Variants in KLRK1 observed in about 807,000 individuals in gnomAD.
KLRK1 encodes the protein NKG2-D type II integral membrane protein.
KLRK1 carries 40 observed loss-of-function variants against 31.3 expected under a neutral mutation model. The ratio of observed to expected loss-of-function variants is 1.28; its 90% CI spans 0.99 to 1.67. The LOEUF (loss-of-function observed/expected upper bound fraction) is 1.67. Among genes scored for constraint, KLRK1 ranks in the 40% most tolerant of loss-of-function variants. The probability of loss-of-function intolerance (pLI) is 0.00; values close to 1 mark genes in which losing one functional copy is unlikely to be tolerated. For missense variants in KLRK1, 251 were observed against 260.0 expected, an observed-to-expected ratio of 0.97 and a Z score of 0.24; for synonymous variants, 77 against 77.3, an observed-to-expected ratio of 1.00 and a Z score of 0.02.
chr12:10,378,649 G>C lies in KLRK1; in HGVS notation c.334C>G (p.Gln112Glu). 1.2e-6 allele frequency: 2 copies of C among 1,609,984 alleles called. No individual in the cohort carries two copies. The highest frequency in any genetic ancestry group is 1.7e-6 in the Non-Finnish European group (2 of 1,179,150). Residue 112 changes from glutamine to glutamate, a missense_variant, in exon 6 of 8, where the codon CAA (glutamine) becomes GAA (glutamate). Transcript: ENST00000240618. ...NWICYKNNCYQFFDESKNWYE... is the reference protein window; with the variant it reads ...NWICYKNNCYEFFDESKNWYE... ...CAGTTTTTACTCTCATCAAAAAATT[G>C]GTAGCAGTTATTTTTGTAACATATC...
At chr12:10,374,462 G>T (rs1387787119) in intron 7 of KLRK1, among the ~76,000 whole-genome samples, 1 of 148,532 alleles carries the variant, frequency 6.7e-6, no homozygotes, top group African/African-American at 2.5e-5. Flanking sequence ...GCGCAATCTC[G>T]GCTCACTGCA....
At position 10,379,743 on chromosome 12, in the gene KLRK1, A is replaced by T; in HGVS notation, c.198T>A (p.Arg66=). The T allele has an allele frequency of 6.2e-7, 1 of 1,612,492 alleles. No individual in the cohort carries two copies. Among genetic ancestry groups the T allele is most frequent in the Non-Finnish European group, 8.5e-7 (1 of 1,179,232 alleles). ...TCCATATTGTTACCATAATAATGAAACGGATTCCCATGGCTACAGCGATGA... is the reference window on the plus strand; with the variant it reads ...TCCATATTGTTACCATAATAATGAATCGGATTCCCATGGCTACAGCGATGA... ...CCFIAVAMGI[R]FIIMVTIWSA... The change falls in exon 4 of 8, where the codon CGT becomes CGA. Residue 66 remains arginine (R), a synonymous_variant. Coordinates refer to ENST00000240618, the MANE Select transcript of KLRK1 (RefSeq NM_007360.4).
chr12:10,376,898 C>T (rs1219608391), intron 7 of KLRK1, among the ~76,000 whole-genome samples: 1 of 147,926 alleles, frequency 6.8e-6, no homozygotes, highest in Admixed American at 7.0e-5. Context: ...CTCACTGCAA[C>T]CTCCGTCTCC....
At chr12:10,387,511 A>G (rs1417317151) in intron 2 of KLRK1, among the ~76,000 whole-genome samples, 1 of 152,068 alleles carries the variant, frequency 6.6e-6, no homozygotes, top group Non-Finnish European at 1.5e-5. Context: ...TGAACTTAGC[A>G]TCAATAACAT....
chr12:10,380,047 TTTG>T (rs1029642433), intron 3 of KLRK1, among the ~76,000 whole-genome samples: 1 of 148,936 alleles, frequency 6.7e-6, no homozygotes, highest in Non-Finnish European at 1.5e-5. Context: ...CTTATGATTT[TTTG>T]TTGTTATTGT....
intron 2 of KLRK1, 81 bp from the exon 3 acceptor site, chr12:10,387,091 A>G: frequency 9.6e-7 from 1 of 1,043,026 alleles, no homozygotes. Context: ...TCAGCTTGCC[A>G]TTTCCATCTA....
At chr12:10,378,827 G>T in intron 5 of KLRK1, 122 bp from the exon 6 acceptor site, 1 of 1,202,654 alleles carries the variant, frequency 8.3e-7, no homozygotes, top group Admixed American at 2.7e-5. Flanking sequence ...AATTATTACA[G>T]TCATAACCAA....
At chr12:10,379,060 G>C in intron 5 of KLRK1, 1 of 191,080 alleles carries the variant, frequency 5.2e-6, no homozygotes. Flanking sequence ...AGCTGAGGCA[G>C]GAGAATTGCT....
rs532469753 is a variant in KLRK1 at position 10,387,096 on chromosome 12, C to T, written c.41-86G>A. Reference sequence around the variant, plus strand: ...TTTTAAAAATTCAGCTTGCCATTTCCATCTATGTACTTCCCCTGACTATCC... The same window carrying T: ...TTTTAAAAATTCAGCTTGCCATTTCTATCTATGTACTTCCCCTGACTATCC... On this transcript the variant is annotated intron_variant, in intron 2 of 7. Coordinates refer to ENST00000240618, the MANE Select transcript of KLRK1 (RefSeq NM_007360.4). 17 of 932,650 alleles carry T rather than the reference C, an allele frequency of 1.8e-5. No individual in the cohort carries two copies. In the Admixed American group the frequency reaches 3.1e-4, roughly 17 times the overall value. 57.8% of individuals were successfully genotyped at this position (932,650 alleles called of 1,614,324 possible). A position where few individuals can be genotyped will look rare whatever the true frequency, so the allele number is the denominator to read the frequency against.
chr12:10,386,835 T>C (rs1863174347), intron 3 of KLRK1, 68 bp downstream of exon 3: 1 of 1,248,030 alleles, frequency 8.0e-7, no homozygotes, highest in Non-Finnish European at 1.1e-6. Context: ...TTGCCATTCA[T>C]TTAATCACAT....
intron 7 of KLRK1, among the ~76,000 whole-genome samples, chr12:10,377,327 A>C (rs1023151398): frequency 6.6e-6 from 1 of 152,228 alleles, no homozygotes; most frequent in African/African-American, 2.4e-5. Context: ...TGTTAAGGGA[A>C]AGAAAGATTT....
rs17514073 is a variant in KLRK1 at position 10,372,561 on chromosome 12, T to TCTTA, written c.*549_*552dup. ...TCATAGCAAAGGAAACGTCCTAAGA[T>TCTTA]CTTACTTAAGGCTGGAGAATAATGC... On this transcript the variant is annotated 3_prime_UTR_variant, in exon 8 of 8. Transcript: ENST00000240618. 17 of 155,880 alleles carry TCTTA rather than the reference T, an allele frequency of 1.1e-4. No individual in the cohort carries two copies. 9.7% of individuals were successfully genotyped at this position (155,880 alleles called of 1,614,324 possible).
chr12:10,373,398 T>C (rs17514063), intron 7 of KLRK1, among the ~76,000 whole-genome samples, 167 bp from the exon 8 acceptor site: 79 of 152,204 alleles, frequency 5.2e-4, no homozygotes, highest in Non-Finnish European at 1.0e-3. Context: ...ACTCAGATAA[T>C]AAAAATAAAA....
At chr12:10,380,853 C>G (rs369564662) in intron 3 of KLRK1, among the ~76,000 whole-genome samples, 3 of 152,148 alleles carry the variant, frequency 2.0e-5, no homozygotes, top group Non-Finnish European at 4.4e-5. Context: ...CAGCACTGCA[C>G]CATTTTGAGA....
chr12:10,378,003 G>A (rs1591580414), intron 7 of KLRK1, 129 bp downstream of exon 7: 3 of 926,922 alleles, frequency 3.2e-6, no homozygotes, highest in East Asian at 5.2e-5. Flanking sequence ...TAGGGCCTAA[G>A]CACTTTTTAC....
At position 10,379,707 on chromosome 12, in the gene KLRK1, G is replaced by A. The variant is rs768301645; in HGVS notation, c.234C>T (p.Phe78=). Residue 78 remains phenylalanine (F), a synonymous_variant, in exon 4 of 8, where the codon TTC becomes TTT. Transcript: ENST00000240618. ...TTCTCTGTTGTCACTTACAGTTTAG[G>A]AATACAGCACTCCATATTGTTACCA... ...IIMVTIWSAV[F]LNSLFNQEVQ... is the part of the protein sequence containing the mutation. 21 of 1,605,968 alleles carry A rather than the reference G, an allele frequency of 1.3e-5. No individual in the cohort carries two copies. Among genetic ancestry groups the A allele is most frequent in the Non-Finnish European group, 1.7e-5 (20 of 1,176,800 alleles).
intron 2 of KLRK1, among the ~76,000 whole-genome samples, chr12:10,388,386 T>C (rs1863206103): frequency 6.6e-6 from 1 of 152,182 alleles, no homozygotes; most frequent in African/African-American, 2.4e-5. Context: ...AAGATAAATA[T>C]GGAATGTTTC....
At chr12:10,386,721 A>C (rs1863172890) in intron 3 of KLRK1, among the ~76,000 whole-genome samples, 182 bp downstream of exon 3, 2 of 151,898 alleles carry the variant, frequency 1.3e-5, no homozygotes, top group Non-Finnish European at 2.9e-5. Flanking sequence ...ACAATATTCT[A>C]AACTCAATAG....
In KLRK1 at chr12:10,372,984, T is replaced by A; in HGVS notation, c.*130A>T. The A allele has an allele frequency of 1.3e-6, 1 of 752,310 alleles. No homozygotes were observed. 46.6% of individuals were successfully genotyped at this position (752,310 alleles called of 1,614,324 possible). A position where few individuals can be genotyped will look rare whatever the true frequency, so the allele number is the denominator to read the frequency against. ...TGTTCTATGGTTTGGTCCTGTGGAG[T>A]CTAAGAAATCTGACAGTCTTTGGTC... is the stretch of plus-strand genomic sequence containing the variant. On this transcript the variant is annotated 3_prime_UTR_variant, in exon 8 of 8. Transcript: ENST00000240618.
Sources: gnomAD v4.1 joint callset for allele counts (sites outside exome capture counted in the v4.1 genomes callset) on GRCh38, gnomAD v4.1.1 for gene constraint, MANE v1.5 for transcripts, NCBI Gene and HGNC (gene_info 2026-07-23, HGNC 2026-07-21) for gene names.